The following STARD13 variants were observed in gnomAD, a reference collection of about 807,000 sequenced individuals.
The protein encoded by STARD13 is StAR related lipid transfer domain containing 13, also known as stAR-related lipid transfer protein 13.
In STARD13, 62 loss-of-function variants were observed where a neutral mutation model predicts 106.4. The ratio of observed to expected loss-of-function variants is 0.58; its 90% CI spans 0.48 to 0.72. STARD13 has a LOEUF of 0.72. Among genes scored for constraint, STARD13 ranks in the 30% least tolerant of loss-of-function variants. The pLI is 0.00. For synonymous variants in STARD13, 565 were observed against 553.0 expected (o/e 1.02, Z -0.31); for missense variants, 1,387 against 1,424.0 (o/e 0.97, Z 0.42).
At chr13:33,524,309 T>G in the STARD13 span, 1 of 1,267,140 alleles carries the variant, frequency 7.9e-7, no homozygotes, top group South Asian at 1.3e-5. Flanking sequence ...TTTGCAGTTT[T>G]AGTTCTACAA....
At chr13:33,255,116 C>T (rs1054678910) in intron 1 of STARD13, among the ~76,000 whole-genome samples, 1 of 149,900 alleles carries the variant, frequency 6.7e-6, no homozygotes, top group African/African-American at 2.4e-5. Context: ...CCCTCAGAGG[C>T]TTGATCAGGT....
chr13:33,466,327 T>C, the STARD13 span, among the ~76,000 whole-genome samples: 1 of 152,176 alleles, frequency 6.6e-6, no homozygotes, highest in Non-Finnish European at 1.5e-5. Context: ...GAGTAAAACT[T>C]GAAACATTCA....
intron 1 of STARD13, among the ~76,000 whole-genome samples, chr13:33,227,061 T>C (rs576344266): frequency 6.6e-6 from 1 of 152,296 alleles, no homozygotes; most frequent in East Asian, 1.9e-4. Flanking sequence ...AAACTGAGTG[T>C]TTTCAGCAAA....
intron 1 of STARD13, among the ~76,000 whole-genome samples, chr13:33,191,074 T>C (rs1886225613): frequency 6.6e-6 from 1 of 152,240 alleles, no homozygotes; most frequent in Non-Finnish European, 1.5e-5. Context: ...TATGTTTATT[T>C]TAATAAGTTA....
At chr13:33,410,042 T>C in the STARD13 span, among the ~76,000 whole-genome samples, 4 of 152,246 alleles carry the variant, frequency 2.6e-5, no homozygotes, top group Non-Finnish European at 4.4e-5. Flanking sequence ...ATATTTGGTA[T>C]AGCATGTCAG....
the STARD13 span, among the ~76,000 whole-genome samples, chr13:33,537,687 A>AT: frequency 2.7e-4 from 41 of 152,246 alleles, 1 homozygote; most frequent in Middle Eastern, 3.4e-3. Flanking sequence ...CTTTACTGGC[A>AT]TAAAAAAAAA....
chr13:33,376,342 G>A, the STARD13 span, among the ~76,000 whole-genome samples: 1 of 152,190 alleles, frequency 6.6e-6, no homozygotes, highest in South Asian at 2.1e-4. Flanking sequence ...AAAAAGCCTT[G>A]TCCTCCTGTA....
At chr13:33,467,708 G>A in the STARD13 span, among the ~76,000 whole-genome samples, 1 of 152,252 alleles carries the variant, frequency 6.6e-6, no homozygotes, top group Middle Eastern at 3.4e-3. Context: ...CATGCGCCAG[G>A]CACTTAGACA....
intron 1 of STARD13, among the ~76,000 whole-genome samples, chr13:33,245,306 G>C (rs1263238351): frequency 6.6e-6 from 1 of 152,120 alleles, no homozygotes; most frequent in East Asian, 1.9e-4. Context: ...AGAGTAAACA[G>C]AAAAAAGACA....
the STARD13 span, among the ~76,000 whole-genome samples, chr13:33,380,453 T>TCA: frequency 3.7e-5 from 5 of 134,604 alleles, no homozygotes; most frequent in East Asian, 2.3e-4. Context: ...ACCCCTACCG[T>TCA]CACACACACA....
the STARD13 span, among the ~76,000 whole-genome samples, chr13:33,479,994 C>G: frequency 6.6e-6 from 1 of 152,126 alleles, no homozygotes; most frequent in Non-Finnish European, 1.5e-5. Flanking sequence ...ATAAATTACC[C>G]AATCTCAGGT....
chr13:33,126,189 C>T lies in STARD13; in HGVS notation c.1974G>A (p.Lys658=), dbSNP rs757987236. Residue 658 remains lysine (K), a synonymous_variant, in exon 7 of 14, where the codon AAG becomes AAA. Transcript: ENST00000336934. ...CTATGAGAGGAACGCCAAAGACAGC[C>T]TTGTCTTTGTAGTCGGGAACTTTCA... ...KRMKVPDYKD[K]AVFGVPLIVH... The T allele has an allele frequency of 4.2e-5, 68 of 1,614,034 alleles. No homozygotes were observed. Among genetic ancestry groups the T allele is most frequent in the Non-Finnish European group, 5.7e-5 (67 of 1,180,008 alleles).
the STARD13 span, among the ~76,000 whole-genome samples, chr13:33,573,369 TAAAAG>T: frequency 2.0e-5 from 3 of 152,284 alleles, no homozygotes; most frequent in African/African-American, 7.2e-5. Context: ...TTAAAGATCT[TAAAAG>T]TATGAGGCCC....
the STARD13 span, among the ~76,000 whole-genome samples, chr13:33,498,043 T>A: frequency 1.3e-5 from 2 of 152,154 alleles, no homozygotes; most frequent in Admixed American, 1.3e-4. Flanking sequence ...TAGTGGCTAA[T>A]AAAAAAGAGC....
the STARD13 span, chr13:33,439,751 T>C: frequency 3.0e-5 from 35 of 1,165,130 alleles, no homozygotes; most frequent in Non-Finnish European, 4.0e-5. Flanking sequence ...TCACTCTTAA[T>C]ATCTCAAAAT....
chr13:33,385,783 C>G, the STARD13 span, among the ~76,000 whole-genome samples: 1 of 149,862 alleles, frequency 6.7e-6, no homozygotes, highest in Non-Finnish European at 1.5e-5. Context: ...TCACTTGAGT[C>G]CGGGTTGCAG....
chr13:33,285,138 GGAGTGT>G (rs1287014786), intron 1 of STARD13, among the ~76,000 whole-genome samples: 3 of 152,100 alleles, frequency 2.0e-5, no homozygotes, highest in Admixed American at 2.0e-4. Flanking sequence ...TAAATGTGAC[GGAGTGT>G]GAGGAAACTG....
the STARD13 span, among the ~76,000 whole-genome samples, chr13:33,576,237 T>C: frequency 2.6e-5 from 4 of 152,150 alleles, no homozygotes; most frequent in Non-Finnish European, 5.9e-5. Flanking sequence ...TGCTCTTTTT[T>C]TTTGAAACAA....
intron 1 of STARD13, among the ~76,000 whole-genome samples, chr13:33,225,315 G>T (rs1191715956): frequency 6.6e-6 from 1 of 152,112 alleles, no homozygotes; most frequent in African/African-American, 2.4e-5. Flanking sequence ...GAGCCAGACT[G>T]GTTTTTTACA....
Sources: allele counts gnomAD v4.1 joint callset (sites outside exome capture counted in the v4.1 genomes callset), GRCh38; gene constraint gnomAD v4.1.1; transcripts MANE v1.5; gene names NCBI Gene and HGNC (gene_info 2026-07-23, HGNC 2026-07-21).